The following TPP2 variants were observed in gnomAD, a reference collection of about 807,000 sequenced individuals.
TPP2 encodes the protein tripeptidyl peptidase 2.
Under a neutral mutation model 155.9 loss-of-function variants are expected in TPP2, and 34 were observed. That is an observed-to-expected ratio of 0.22 (90% CI 0.17 to 0.29). TPP2 has a LOEUF of 0.29. Among genes scored for constraint, TPP2 ranks in the 10% least tolerant of loss-of-function variants. TPP2 has a pLI of 1.00. For missense variants in TPP2, 1,028 were observed against 1,522.3 expected, an observed-to-expected ratio of 0.68 and a Z score of 5.40; for synonymous variants, 510 against 529.4, an observed-to-expected ratio of 0.96 and a Z score of 0.50.
At chr13:102,659,256 A>G (rs904544366) in intron 25 of TPP2, among the ~76,000 whole-genome samples, 3 of 152,230 alleles carry the variant, frequency 2.0e-5, no homozygotes, top group African/African-American at 4.8e-5. Context: ...ACCAAAGTCC[A>G]TGGAACAGGA....
At chr13:102,624,092 A>T (rs1463675092) in intron 6 of TPP2, among the ~76,000 whole-genome samples, 10 of 152,254 alleles carry the variant, frequency 6.6e-5, no homozygotes, top group Admixed American at 6.5e-4. Context: ...CCCCTAATAC[A>T]TAAATTATAT....
rs544736369 is a variant in TPP2, at chr13:102,647,944, C to A, written c.2628+600C>A. Reference sequence around the variant, plus strand: ...TGTAATATGTATAATTTTATGTTGACAAATGAAAATAATTTATGGAGATTT... The same window carrying A: ...TGTAATATGTATAATTTTATGTTGAAAAATGAAAATAATTTATGGAGATTT... On this transcript the variant is annotated intron_variant, in intron 21 of 29. Coordinates refer to ENST00000376052, the MANE Select transcript of TPP2 (RefSeq NM_001330588.2). Among the ~76,000 whole-genome samples the A allele has an allele frequency of 9.2e-5, 14 of 152,138 alleles. No individual in the cohort carries two copies. The South Asian group carries it at 2.9e-3, about 32-fold the overall frequency.
chr13:102,616,146 G>A (rs530905866), intron 3 of TPP2, among the ~76,000 whole-genome samples: 11 of 152,110 alleles, frequency 7.2e-5, no homozygotes, highest in African/African-American at 2.7e-4. Flanking sequence ...TAGTAGAGAC[G>A]GGGTTTCACC....
At chr13:102,628,031 C>G (rs1027472226) in intron 8 of TPP2, 107 bp downstream of exon 8, 9 of 881,926 alleles carry the variant, frequency 1.0e-5, no homozygotes, top group Non-Finnish European at 1.6e-5. Flanking sequence ...AGAACAGTTG[C>G]AGTGGTTAGA....
rs150316215 is a variant in TPP2, at chr13:102,616,375, G to A, written c.391-21G>A. The A allele has an allele frequency of 3.8e-6, 6 of 1,592,146 alleles. No homozygotes were observed. In the African/African-American group the frequency reaches 8.1e-5, roughly 22 times the overall value. On this transcript the variant is annotated intron_variant, in intron 3 of 29. Coordinates refer to ENST00000376052, the MANE Select transcript of TPP2 (RefSeq NM_001330588.2). Reference sequence around the variant, plus strand: ...GAGTATTTGTCAGCCTAATTGTAAGGTAATTTTTCTGTCTTTGCAGAAAGA... The same window carrying A: ...GAGTATTTGTCAGCCTAATTGTAAGATAATTTTTCTGTCTTTGCAGAAAGA...
rs776547128 is a variant in TPP2 at position 102,618,751 on chromosome 13, A to G, written c.525A>G (p.Gln175=). 1 of 1,613,834 alleles carries G rather than the reference A, an allele frequency of 6.2e-7. No homozygotes were observed. Among genetic ancestry groups the G allele is most frequent in the African/African-American group, 1.3e-5 (1 of 74,938 alleles). The change falls in exon 5 of 30, where the codon CAA becomes CAG. Residue 175 remains glutamine, a synonymous_variant. Coordinates refer to ENST00000376052, the MANE Select transcript of TPP2 (RefSeq NM_001330588.2). ...ATAAACTAATCAAGGAGGAACTTCA[A>G]AGTCAAGTGGAATTGCTAAATTCTT... ...QANKLIKEEL[Q]SQVELLNSFE...
chr13:102,604,714 C>CAT (rs35697719), intron 1 of TPP2, 79 bp from the exon 2 acceptor site: 12 of 1,455,006 alleles, frequency 8.2e-6, no homozygotes, highest in Non-Finnish European at 1.1e-5. Flanking sequence ...TATACACACA[C>CAT]ATATATATGT....
intron 4 of TPP2, 77 bp downstream of exon 4, chr13:102,616,577 GT>G: frequency 8.5e-7 from 1 of 1,179,882 alleles, no homozygotes; most frequent in East Asian, 2.8e-5. Flanking sequence ...CTAATAGACT[GT>G]TTTTCCACAA....
rs752976919 is a variant in TPP2, at chr13:102,647,395, T to C, written c.2628+51T>C. 1.3e-5 allele frequency: 21 copies of C among 1,573,268 alleles called. No individual in the cohort carries two copies. The East Asian group carries it at 4.1e-4, about 31-fold the overall frequency. ...AATTAACGGAAGCTGTTTCCTGAAC[T>C]AACAAAATCCTGGTTTCTTGTTATG... On this transcript the variant is annotated intron_variant, in intron 21 of 29. Coordinates refer to ENST00000376052, the MANE Select transcript of TPP2 (RefSeq NM_001330588.2).
In TPP2 at chr13:102,597,012, C is replaced by G; in HGVS notation, c.-27C>G. 6.2e-7 allele frequency: 1 copy of G among 1,606,354 alleles called. No individual in the cohort carries two copies. Among genetic ancestry groups the G allele is most frequent in the Non-Finnish European group, 8.5e-7 (1 of 1,176,950 alleles). ...GTCCGCGCGCAGCCTGGCAGTTTGCCGCTTCCTCGTCCTCCATCCTGCGTC... is the reference window on the plus strand; with the variant it reads ...GTCCGCGCGCAGCCTGGCAGTTTGCGGCTTCCTCGTCCTCCATCCTGCGTC... On this transcript the variant is annotated 5_prime_UTR_variant, in exon 1 of 30. Transcript: ENST00000376052.
chr13:102,619,260 C>T (rs904021844), intron 5 of TPP2, among the ~76,000 whole-genome samples: 8 of 152,012 alleles, frequency 5.3e-5, no homozygotes, highest in East Asian at 1.9e-4. Context: ...AATAATAATG[C>T]GATTTATACC....
intron 24 of TPP2, among the ~76,000 whole-genome samples, chr13:102,652,918 A>T (rs2139560112): frequency 6.6e-6 from 1 of 152,366 alleles, no homozygotes; most frequent in African/African-American, 2.4e-5. Context: ...TTACTGCTTT[A>T]GAGAACAAGG....
intron 1 of TPP2, among the ~76,000 whole-genome samples, chr13:102,599,300 G>A (rs536891612): frequency 6.6e-6 from 1 of 152,326 alleles, no homozygotes; most frequent in African/African-American, 2.4e-5. Flanking sequence ...GAAAGCATAA[G>A]TCTTCTCTTT....
At chr13:102,678,199 A>C (rs1566381083) in intron 29 of TPP2, 28 bp from the exon 30 acceptor site, 6 of 1,577,786 alleles carry the variant, frequency 3.8e-6, no homozygotes, top group Non-Finnish European at 5.2e-6. Context: ...CTTCCTTTAT[A>C]ATAATATATT....
chr13:102,668,201 C>G (rs61965653), intron 27 of TPP2, among the ~76,000 whole-genome samples: 1 of 152,104 alleles, frequency 6.6e-6, no homozygotes, highest in African/African-American at 2.4e-5. Flanking sequence ...TGTTATCTGC[C>G]TTTTGCTCCC....
chr13:102,623,064 T>A, intron 6 of TPP2, 24 bp downstream of exon 6: 1 of 1,603,422 alleles, frequency 6.2e-7, no homozygotes, highest in Non-Finnish European at 8.5e-7. Context: ...GATTGACCAA[T>A]GAGATATAGA....
intron 27 of TPP2, among the ~76,000 whole-genome samples, chr13:102,673,484 T>C (rs769112050): frequency 2.6e-5 from 4 of 152,218 alleles, no homozygotes; most frequent in Non-Finnish European, 4.4e-5. Context: ...CACTTTTCCC[T>C]GGAGTGTAGG....
chr13:102,663,601 T>C, intron 25 of TPP2, 47 bp from the exon 26 acceptor site: 8 of 1,372,244 alleles, frequency 5.8e-6, no homozygotes, highest in Non-Finnish European at 7.8e-6. Flanking sequence ...ACAAATAGTC[T>C]TTTTAAAAGA....
intron 2 of TPP2, among the ~76,000 whole-genome samples, chr13:102,610,356 G>T (rs1182762055): frequency 6.6e-6 from 1 of 152,022 alleles, no homozygotes; most frequent in Non-Finnish European, 1.5e-5. Context: ...AGCCTCCCAA[G>T]TCGCTGGGAT....
Sources: gnomAD v4.1 joint callset for allele counts (sites outside exome capture counted in the v4.1 genomes callset) on GRCh38, gnomAD v4.1.1 for gene constraint, MANE v1.5 for transcripts, NCBI Gene and HGNC (gene_info 2026-07-23, HGNC 2026-07-21) for gene names.